Variants in SAMD12 observed in about 807,000 individuals in gnomAD.
The protein encoded by SAMD12 is sterile alpha motif domain containing 12.
In SAMD12, 9 loss-of-function variants were observed where a neutral mutation model predicts 15.0. That is an observed-to-expected ratio of 0.60 (90% CI 0.36 to 1.05). The LOEUF (loss-of-function observed/expected upper bound fraction) is 1.05, where lower values mean the gene tolerates loss of function less well. SAMD12 is among the 50% of genes least tolerant of loss of function. The pLI is 0.01. For synonymous variants in SAMD12, 86 were observed against 90.1 expected, an observed-to-expected ratio of 0.96 and a Z score of 0.25; for missense variants, 230 against 234.2, an observed-to-expected ratio of 0.98 and a Z score of 0.12.
rs183965352 is a variant in SAMD12, at chr8:118,232,305, T to G, written c.434-34573A>C. On this transcript the variant is annotated intron_variant, in intron 4 of 4. Coordinates refer to the SAMD12 transcript ENST00000409003. ...ATCATCCTGGGGGATCAGAGGGATGTTGCCCAAGTTGCAACCTAGAGGGTA... is the reference window on the plus strand; with the variant it reads ...ATCATCCTGGGGGATCAGAGGGATGGTGCCCAAGTTGCAACCTAGAGGGTA... 3.3e-5 allele frequency among the ~76,000 whole-genome samples: 5 copies of G among 152,182 alleles called. No homozygotes were observed. The East Asian group carries it at 9.7e-4, about 29-fold the overall frequency.
intron 3 of SAMD12, among the ~76,000 whole-genome samples, chr8:118,413,831 A>G (rs898609028): frequency 6.0e-5 from 9 of 151,226 alleles, no homozygotes; most frequent in Admixed American, 5.3e-4. Flanking sequence ...AACGAAATAC[A>G]CATTTTATAA....
intron 1 of SAMD12, among the ~76,000 whole-genome samples, chr8:118,591,020 C>G (rs1223571278): frequency 6.6e-6 from 1 of 152,038 alleles, no homozygotes; most frequent in African/African-American, 2.4e-5. Flanking sequence ...TGGATAGGCT[C>G]AAGAGCAGAA....
chr8:118,473,688 C>G (rs141198517), intron 2 of SAMD12, among the ~76,000 whole-genome samples: 148 of 152,308 alleles, frequency 9.7e-4, no homozygotes, highest in African/African-American at 3.5e-3. Flanking sequence ...TCCGACTCAT[C>G]ATGCACCTTC....
rs1297304945 is a variant in SAMD12 at position 118,379,563 on chromosome 8, G to T, written c.460C>A (p.Gln154Lys). 1 of 1,613,932 alleles carries T rather than the reference G, an allele frequency of 6.2e-7. No homozygotes were observed. Among genetic ancestry groups the T allele is most frequent in the Admixed American group, 1.7e-5 (1 of 59,974 alleles). The change falls in exon 4 of 4, where the codon CAA (glutamine) becomes AAA (lysine). Residue 154 changes from glutamine to lysine, a missense_variant. Physicochemically the swap from Gln to Lys is moderately conservative, Grantham distance 53. Transcript: ENST00000314727. ...CCATCAGGAAGCAATAGGGTACCTT[G>T]TGTGAGTAACTGTAGATTTCTGACT... ...EEVRNLQLLTQGTLLLPDGWM... is the reference protein window; with the variant it reads ...EEVRNLQLLTKGTLLLPDGWM...
chr8:118,605,765 AATATATATATATATATAT>A (rs55785102), intron 1 of SAMD12, among the ~76,000 whole-genome samples: 26 of 127,576 alleles, frequency 2.0e-4, no homozygotes, highest in Admixed American at 5.7e-4. Flanking sequence ...AACCCATCAC[AATATATATATATATATAT>A]ATATATATAT....
At chr8:118,355,433 A>G (rs1331559454) in intron 4 of SAMD12, among the ~76,000 whole-genome samples, 1 of 152,216 alleles carries the variant, frequency 6.6e-6, no homozygotes, top group Non-Finnish European at 1.5e-5. Flanking sequence ...TGCTCGGGTG[A>G]TGGGTGGACT....
intron 4 of SAMD12, among the ~76,000 whole-genome samples, chr8:118,269,131 C>T (rs1474280927): frequency 6.6e-6 from 1 of 150,890 alleles, no homozygotes; most frequent in Non-Finnish European, 1.5e-5. Context: ...TTGCACTGTC[C>T]TCTTTCCTAT....
chr8:118,458,210 T>C (rs900132775), intron 2 of SAMD12, among the ~76,000 whole-genome samples: 2 of 152,254 alleles, frequency 1.3e-5, no homozygotes, highest in East Asian at 1.9e-4. Context: ...TTTCATCCTT[T>C]CTAGCTCCCG....
intron 2 of SAMD12, among the ~76,000 whole-genome samples, chr8:118,508,105 T>C (rs1824973219): frequency 6.7e-6 from 1 of 149,920 alleles, no homozygotes; most frequent in Non-Finnish European, 1.5e-5. Context: ...GGGATCTTCC[T>C]GCCTCAGCCT....
chr8:118,305,732 G>T (rs1275438755), intron 4 of SAMD12, among the ~76,000 whole-genome samples: 1 of 152,140 alleles, frequency 6.6e-6, no homozygotes, highest in African/African-American at 2.4e-5. Flanking sequence ...ACTTGGGTTT[G>T]GGTGTTGCTC....
At chr8:118,256,779 TACAC>T (rs3052764) in intron 4 of SAMD12, among the ~76,000 whole-genome samples, 16,886 of 139,756 alleles carry the variant, frequency 0.12, 1,213 homozygotes, top group East Asian at 0.42. Context: ...CTGCATAAGA[TACAC>T]ACACACACAC....
chr8:118,254,385 G>A (rs1034774530), intron 4 of SAMD12, among the ~76,000 whole-genome samples: 1 of 152,104 alleles, frequency 6.6e-6, no homozygotes, highest in African/African-American at 2.4e-5. Flanking sequence ...CAGCCTCCTT[G>A]CTGGAAACGA....
At chr8:118,552,420 C>T (rs1189203119) in intron 2 of SAMD12, among the ~76,000 whole-genome samples, 1 of 152,108 alleles carries the variant, frequency 6.6e-6, no homozygotes. Flanking sequence ...GAACCAAAGA[C>T]AAAAACCACA....
chr8:118,316,921 C>A (rs1815946452), intron 4 of SAMD12, among the ~76,000 whole-genome samples: 1 of 150,736 alleles, frequency 6.6e-6, no homozygotes, highest in African/African-American at 2.4e-5. Context: ...TCCCAAAGCG[C>A]TGGGATTACA....
chr8:118,552,829 A>G (rs1244917347), intron 2 of SAMD12, among the ~76,000 whole-genome samples: 1 of 152,128 alleles, frequency 6.6e-6, no homozygotes, highest in East Asian at 1.9e-4. Context: ...CAACTTCAGC[A>G]AAGTCTCAGG....
chr8:118,471,862 A>C (rs1563880738), intron 2 of SAMD12, among the ~76,000 whole-genome samples: 2 of 152,162 alleles, frequency 1.3e-5, no homozygotes, highest in African/African-American at 4.8e-5. Context: ...AGATCTACCT[A>C]AAGAAAATCT....
chr8:118,383,962 CAT>C (rs1819811178), intron 3 of SAMD12, among the ~76,000 whole-genome samples: 1 of 151,896 alleles, frequency 6.6e-6, no homozygotes, highest in African/African-American at 2.4e-5. Context: ...TAGAGACAGA[CAT>C]ATGATCCCAG....
At chr8:118,268,949 A>T (rs1223074842) in intron 4 of SAMD12, among the ~76,000 whole-genome samples, 2 of 152,204 alleles carry the variant, frequency 1.3e-5, no homozygotes, top group African/African-American at 4.8e-5. Context: ...TCTTTAGGAT[A>T]AATATTCAGC....
chr8:118,473,681 G>A lies in SAMD12; in HGVS notation c.193-33720C>T, dbSNP rs769901199. On this transcript the variant is annotated intron_variant, in intron 2 of 3. Coordinates refer to ENST00000314727, the MANE Select transcript of SAMD12 (RefSeq NM_207506.3). ...ACATGCTTGCTAATTGTGACTCTCC[G>A]ACTCATCATGCACCTTCACGCACAG... Among the ~76,000 whole-genome samples the A allele has an allele frequency of 6.1e-4, 93 of 151,968 alleles. 1 individual carries two copies. Among genetic ancestry groups the A allele is most frequent in the Non-Finnish European group, 1.3e-3 (85 of 68,000 alleles).
Sources: gnomAD v4.1 joint callset for allele counts (sites outside exome capture counted in the v4.1 genomes callset) on GRCh38, gnomAD v4.1.1 for gene constraint, MANE v1.5 for transcripts, NCBI Gene and HGNC (gene_info 2026-07-23, HGNC 2026-07-21) for gene names.